MBD5: variants seen among roughly 807,000 people sequenced by gnomAD.
The protein encoded by MBD5 is methyl-CpG binding domain protein 5, also known as methyl-CpG-binding domain protein 5.
A neutral mutation model predicts 117.3 loss-of-function variants in MBD5; 13 were observed. That is an observed-to-expected ratio of 0.11 (90% CI 0.07 to 0.18). The LOEUF (loss-of-function observed/expected upper bound fraction) is 0.18, where lower values mean the gene tolerates loss of function less well. Among genes scored for constraint, MBD5 ranks in the 10% least tolerant of loss-of-function variants. MBD5 has a pLI of 1.00. For synonymous variants in MBD5, 727 were observed against 766.4 expected (o/e 0.95, Z 0.85); for missense variants, 1,879 against 2,093.8 (o/e 0.90, Z 2.00).
chr2:148,318,451 C>A (rs975131423), intron 3 of MBD5, among the ~76,000 whole-genome samples: 1 of 151,814 alleles, frequency 6.6e-6, no homozygotes, highest in Non-Finnish European at 1.5e-5. Flanking sequence ...TGTGCAGAAT[C>A]TTTTTAGTTT....
chr2:148,216,220 G>C (rs1477704174), intron 2 of MBD5, among the ~76,000 whole-genome samples: 1 of 152,116 alleles, frequency 6.6e-6, no homozygotes, highest in Non-Finnish European at 1.5e-5. Flanking sequence ...GAAAATATTA[G>C]AAGAGAAACC....
At chr2:148,040,949 T>G (rs1273634892) in intron 1 of MBD5, among the ~76,000 whole-genome samples, 1 of 152,010 alleles carries the variant, frequency 6.6e-6, no homozygotes, top group Non-Finnish European at 1.5e-5. Flanking sequence ...AGTGATATGC[T>G]TTTGTGGAGT....
At chr2:148,101,332 C>G (rs370653936) in intron 1 of MBD5, among the ~76,000 whole-genome samples, 1 of 151,802 alleles carries the variant, frequency 6.6e-6, no homozygotes, top group Admixed American at 6.6e-5. Flanking sequence ...CATGGTGGCA[C>G]ATGCCTATAT....
intron 2 of MBD5, among the ~76,000 whole-genome samples, chr2:148,207,455 C>A (rs200884893): frequency 2.3e-4 from 34 of 145,288 alleles, no homozygotes; most frequent in Non-Finnish European, 3.6e-4. Context: ...AAAAAAAGGA[C>A]AAAAAAAAAA....
intron 4 of MBD5, among the ~76,000 whole-genome samples, chr2:148,351,804 G>T (rs1434643328): frequency 6.6e-6 from 1 of 152,052 alleles, no homozygotes; most frequent in Non-Finnish European, 1.5e-5. Context: ...TGCTATGTAA[G>T]AATTGGGGTG....
chr2:148,163,632 C>G (rs1698060834), intron 1 of MBD5, among the ~76,000 whole-genome samples: 1 of 152,100 alleles, frequency 6.6e-6, no homozygotes, highest in Non-Finnish European at 1.5e-5. Context: ...TCAGGCTGGT[C>G]TGGAACTCCC....
intron 1 of MBD5, chr2:148,028,479 A>C (rs1693957353): frequency 6.6e-6 from 1 of 152,090 alleles, no homozygotes; most frequent in African/African-American, 2.4e-5. Context: ...AATTATACTT[A>C]GGGTTATCCT....
chr2:148,173,924 A>G (rs1001342533), intron 1 of MBD5, among the ~76,000 whole-genome samples: 4 of 152,196 alleles, frequency 2.6e-5, no homozygotes, highest in Non-Finnish European at 4.4e-5. Context: ...TTTTTCATAG[A>G]AATAGATTAA....
intron 4 of MBD5, among the ~76,000 whole-genome samples, chr2:148,445,881 G>T (rs1189888023): frequency 1.3e-5 from 2 of 151,282 alleles, no homozygotes; most frequent in African/African-American, 2.5e-5. Flanking sequence ...TTCTCTAATG[G>T]CCGGTGATGA....
intron 3 of MBD5, among the ~76,000 whole-genome samples, chr2:148,292,568 C>T (rs1701523614): frequency 6.6e-6 from 1 of 152,108 alleles, no homozygotes; most frequent in African/African-American, 2.4e-5. Context: ...TAGGTAATAA[C>T]AAATGCTAGC....
intron 1 of MBD5, chr2:148,027,556 T>C (rs1693933357): frequency 6.6e-6 from 1 of 152,110 alleles, no homozygotes; most frequent in Non-Finnish European, 1.5e-5. Flanking sequence ...TCTGAAACTT[T>C]TTGAGCACTG....
chr2:148,356,578 T>A (rs567124726), intron 4 of MBD5, among the ~76,000 whole-genome samples: 5 of 152,310 alleles, frequency 3.3e-5, no homozygotes, highest in Admixed American at 6.5e-5. Flanking sequence ...AAATAAGTAT[T>A]AATTTAATTA....
chr2:148,254,269 T>C (rs1042545860), intron 3 of MBD5, among the ~76,000 whole-genome samples: 2 of 152,162 alleles, frequency 1.3e-5, no homozygotes, highest in African/African-American at 4.8e-5. Context: ...AGGTAAAACA[T>C]TGTGTTCCTA....
chr2:148,144,766 G>A (rs1444281745), intron 1 of MBD5, among the ~76,000 whole-genome samples: 3 of 152,082 alleles, frequency 2.0e-5, no homozygotes, highest in Admixed American at 1.3e-4. Context: ...GTAGATGTGT[G>A]GTATTATTTC....
intron 4 of MBD5, among the ~76,000 whole-genome samples, chr2:148,431,586 T>C (rs1419613790): frequency 6.6e-6 from 1 of 152,148 alleles, no homozygotes; most frequent in East Asian, 1.9e-4. Context: ...GTTCTTCTGT[T>C]ATCCACGTGT....
In MBD5 at chr2:148,512,892, A is replaced by G. The variant is rs1559110260; in HGVS notation, c.5135A>G (p.Asp1712Gly). Residue 1712 changes from aspartate to glycine, a missense_variant, in exon 14 of 14, where the codon GAC becomes GGC. Physicochemically the swap from Asp to Gly is moderately conservative, Grantham distance 94 (BLOSUM62 -1). This residue lies in a region of MBD5 where 135 missense variants were observed against 148.0 expected (regional missense o/e 0.91). Transcript: ENST00000642680. ...CAGGTACACCAAATCCCACAGGGTG[A>G]CAGACAAATGAGACCCCCCAAACCC... is the stretch of plus-strand genomic sequence containing the variant. ...SGTVHQIPQG[D>G]RQMRPPKPKR... 2 of 1,613,880 alleles carry G rather than the reference A, an allele frequency of 1.2e-6. No homozygotes were observed. The highest frequency in any genetic ancestry group is 8.5e-7 in the Non-Finnish European group (1 of 1,179,862).
At chr2:148,037,584 A>T (rs1343385974) in intron 1 of MBD5, among the ~76,000 whole-genome samples, 1 of 152,000 alleles carries the variant, frequency 6.6e-6, no homozygotes, top group Non-Finnish European at 1.5e-5. Flanking sequence ...GAGACATCAA[A>T]TCCTGATTCA....
chr2:148,196,443 G>A (rs1044797085), intron 2 of MBD5, among the ~76,000 whole-genome samples: 10 of 152,118 alleles, frequency 6.6e-5, no homozygotes, highest in African/African-American at 2.2e-4. Context: ...GAAGCATTCT[G>A]AAAGAGTCCC....
chr2:148,391,098 C>T (rs1455437112), intron 4 of MBD5, among the ~76,000 whole-genome samples: 2 of 152,132 alleles, frequency 1.3e-5, no homozygotes, highest in African/African-American at 4.8e-5. Context: ...TAAATTGAAA[C>T]TCCCAAGACT....
Sources: gnomAD v4.1 joint callset for allele counts (sites outside exome capture counted in the v4.1 genomes callset) on GRCh38, gnomAD v4.1.1 for gene constraint, gnomAD v4.1.1 regional missense constraint, MANE v1.5 for transcripts, NCBI Gene and HGNC (gene_info 2026-07-23, HGNC 2026-07-21) for gene names.